The following DHX34 variants were observed in gnomAD, a reference collection of about 807,000 sequenced individuals.
DHX34 encodes the protein probable ATP-dependent RNA helicase DHX34.
In DHX34, 96 loss-of-function variants were observed where a neutral mutation model predicts 111.1. The observed-to-expected ratio is 0.86, with a 90% CI of 0.73 to 1.02. The LOEUF (loss-of-function observed/expected upper bound fraction) is 1.02. Ranked by LOEUF, DHX34 falls within the 50% of genes least tolerant of loss-of-function variation. The pLI, the probability that DHX34 is intolerant of heterozygous loss-of-function variation, is 0.00. For synonymous variants in DHX34, 688 were observed against 670.4 expected, an observed-to-expected ratio of 1.03 and a Z score of -0.41; for missense variants, 1,560 against 1,579.9, an observed-to-expected ratio of 0.99 and a Z score of 0.21.
chr19:47,374,436 CAAAAAA>C (rs35585186), intron 9 of DHX34, among the ~76,000 whole-genome samples: 2 of 103,642 alleles, frequency 1.9e-5, no homozygotes, highest in East Asian at 2.6e-4. Flanking sequence ...AAACTCCACT[CAAAAAA>C]AAAAAAAAAA....
At chr19:47,362,715 G>A in intron 6 of DHX34, 22 bp downstream of exon 6, 1 of 1,580,332 alleles carries the variant, frequency 6.3e-7, no homozygotes, top group Non-Finnish European at 8.6e-7. Context: ...GCAGAAAGGG[G>A]ACTATATCCT....
Position 47,355,309 on chromosome 19 carries a change from G to GC in DHX34, c.980dup (p.Val328CysfsTer43). On this transcript the variant is annotated frameshift_variant, in exon 3 of 17. Transcript: ENST00000328771. LOFTEE classifies it high-confidence loss of function. ...GCTCTTCTCCAGCTATTTCAGCAAT[G>GC]CCCCTGTGGTACAGGTGCCTGGGAG... 1 of 1,614,050 alleles carries GC rather than the reference G, an allele frequency of 6.2e-7. No homozygotes were observed. Among genetic ancestry groups the GC allele is most frequent in the Non-Finnish European group, 8.5e-7 (1 of 1,179,978 alleles).
intron 5 of DHX34, among the ~76,000 whole-genome samples, chr19:47,361,046 A>G (rs775295105): frequency 6.6e-6 from 1 of 152,178 alleles, no homozygotes; most frequent in Non-Finnish European, 1.5e-5. Flanking sequence ...GGAAGTCAGC[A>G]TAGCATAGTG....
rs766184476 is a variant in DHX34, at chr19:47,372,873, G to A, written c.1912G>A (p.Asp638Asn). Reference sequence around the variant, plus strand: ...GGCAGCACGGCGGCCGCTGGAGAGCGACCAGGGTGACCCCTTCACGCTCTT... The same window carrying A: ...GGCAGCACGGCGGCCGCTGGAGAGCAACCAGGGTGACCCCTTCACGCTCTT... ...CAAARRPLESDQGDPFTLFNV... is the reference protein window; with the variant it reads ...CAAARRPLESNQGDPFTLFNV... The change falls in exon 8 of 17, where the codon GAC becomes AAC. Residue 638 changes from aspartate (D) to asparagine (N), a missense_variant. Coordinates refer to ENST00000328771, the MANE Select transcript of DHX34 (RefSeq NM_014681.6). The A allele has an allele frequency of 2.0e-5, 33 of 1,609,914 alleles. No homozygotes were observed. The highest frequency in any genetic ancestry group is 9.9e-5 in the South Asian group (9 of 91,004).
chr19:47,364,263 C>G (rs1969723436), intron 6 of DHX34, among the ~76,000 whole-genome samples: 1 of 152,122 alleles, frequency 6.6e-6, no homozygotes, highest in African/African-American at 2.4e-5. Context: ...TGGCCACGCC[C>G]AACCGTGAAG....
At chr19:47,361,182 G>T (rs958009291) in intron 5 of DHX34, among the ~76,000 whole-genome samples, 2 of 152,084 alleles carry the variant, frequency 1.3e-5, no homozygotes, top group East Asian at 3.9e-4. Context: ...TCCCGGCTGG[G>T]CGCGGTGGCT....
chr19:47,358,181 C>T (rs1297845178), intron 4 of DHX34, 61 bp downstream of exon 4: 7 of 1,559,432 alleles, frequency 4.5e-6, no homozygotes, highest in Non-Finnish European at 6.1e-6. Context: ...GGTGGCTGCG[C>T]ACAGGACTTG....
In DHX34 at chr19:47,358,129, G is replaced by T. The variant is rs1201956927; in HGVS notation, c.1272+9G>T. On this transcript the variant is annotated intron_variant, in intron 4 of 16. Transcript: ENST00000328771. ...TGGCCGACCAGGACAAGGTATCACAGGAAGCCCGAGTGGGGCAGGCGGGGG... is the reference window on the plus strand; with the variant it reads ...TGGCCGACCAGGACAAGGTATCACATGAAGCCCGAGTGGGGCAGGCGGGGG... 1 of 1,599,094 alleles carries T rather than the reference G, an allele frequency of 6.3e-7. No individual in the cohort carries two copies. The highest frequency in any genetic ancestry group is 8.6e-7 in the Non-Finnish European group (1 of 1,168,410).
chr19:47,376,301 CAG>C, intron 11 of DHX34, 140 bp from the exon 12 acceptor site: 2 of 1,504,020 alleles, frequency 1.3e-6, no homozygotes, highest in Non-Finnish European at 1.8e-6. Context: ...TAGGAGCCCA[CAG>C]GGGGCATCTG....
intron 7 of DHX34, among the ~76,000 whole-genome samples, chr19:47,370,064 T>C (rs1198208218): frequency 6.6e-6 from 1 of 152,172 alleles, no homozygotes; most frequent in African/African-American, 2.4e-5. Context: ...GCACCGTCAG[T>C]GTCTCAGGCA....
intron 7 of DHX34, among the ~76,000 whole-genome samples, chr19:47,370,371 C>T (rs562022748): frequency 4.6e-5 from 7 of 152,310 alleles, no homozygotes; most frequent in Non-Finnish European, 7.4e-5. Context: ...AGCTCTGCCC[C>T]GCACCCCTCT....
Position 47,357,977 on chromosome 19 carries a change from G to A in DHX34, c.1129G>A (p.Glu377Lys). Residue 377 changes from glutamate (E) to lysine (K), a missense_variant, in exon 4 of 17, where the codon GAG becomes AAG. Transcript: ENST00000328771. ...CATTGACCACAAGTACCCGCCTGAG[G>A]AGCGGGGTGACCTCCTCGTCTTCCT... ...ESIDHKYPPEERGDLLVFLSG... is the reference protein window; with the variant it reads ...ESIDHKYPPEKRGDLLVFLSG... 6.2e-7 allele frequency: 1 copy of A among 1,613,994 alleles called. No homozygotes were observed.
At chr19:47,366,919 C>T in intron 6 of DHX34, 62 bp from the exon 7 acceptor site, 1 of 1,447,526 alleles carries the variant, frequency 6.9e-7, no homozygotes, top group Non-Finnish European at 9.1e-7. Context: ...TCTCTGAGCC[C>T]CGCTGTGCTG....
chr19:47,355,025 TTCTC>T lies in DHX34; in HGVS notation c.706-13_706-10del, dbSNP rs745877752. The T allele has an allele frequency of 6.2e-7, 1 of 1,612,194 alleles. No individual in the cohort carries two copies. Among genetic ancestry groups the T allele is most frequent in the South Asian group, 1.1e-5 (1 of 91,038 alleles). ...TCAGGGTCCTCTCCTGATCCTTTCT[TTCTC>T]CCACCCCAGGTCGGCTACCAGATCC... On this transcript the variant is annotated splice_polypyrimidine_tract_variant and intron_variant, in intron 2 of 16. Coordinates refer to ENST00000328771, the MANE Select transcript of DHX34 (RefSeq NM_014681.6).
rs1460697534 is a variant in DHX34, at chr19:47,377,166, A to G, written c.2666A>G (p.Lys889Arg). 4 of 1,613,832 alleles carry G rather than the reference A, an allele frequency of 2.5e-6. No homozygotes were observed. In the African/African-American group the frequency reaches 5.3e-5, roughly 22 times the overall value. ...LSFVSLLETN[K>R]PYLVNCVRIP... is the part of the protein sequence containing the mutation. ...TTCGTGTCCCTGCTGGAGACCAACA[A>G]GCCGTACCTGGTGAACTGCGTCCGC... Residue 889 changes from lysine (K) to arginine (R), a missense_variant, in exon 13 of 17, where the codon AAG (lysine) becomes AGG (arginine). Physicochemically the swap from Lys to Arg is conservative, Grantham distance 26. Coordinates refer to ENST00000328771, the MANE Select transcript of DHX34 (RefSeq NM_014681.6).
chr19:47,379,536 G>A (rs1970281511), intron 13 of DHX34, 174 bp from the exon 14 acceptor site: 1 of 975,584 alleles, frequency 1.0e-6, no homozygotes, highest in Admixed American at 6.2e-5. Flanking sequence ...CCTTGTTCAT[G>A]CCGTATCCCC....
intron 7 of DHX34, among the ~76,000 whole-genome samples, chr19:47,369,553 CAG>C (rs1555733049): frequency 1.3e-5 from 2 of 152,142 alleles, no homozygotes; most frequent in African/African-American, 4.8e-5. Flanking sequence ...TCACATGTAA[CAG>C]GGGAGATGGA....
In DHX34 at chr19:47,372,853, C is replaced by A; in HGVS notation, c.1892C>A (p.Ala631Glu). ...SAQSSPECAA[A>E]RRPLESDQGD... ...CAGAGCAGCCCAGAGTGCGCGGCAG[C>A]ACGGCGGCCGCTGGAGAGCGACCAG... The change falls in exon 8 of 17, where the codon GCA (alanine) becomes GAA (glutamate). Residue 631 changes from alanine to glutamate, a missense_variant. By Grantham distance (107) the Ala-to-Glu change is moderately radical. Transcript: ENST00000328771. 1 of 1,611,634 alleles carries A rather than the reference C, an allele frequency of 6.2e-7. No individual in the cohort carries two copies. Among genetic ancestry groups the A allele is most frequent in the Non-Finnish European group, 8.5e-7 (1 of 1,179,350 alleles).
chr19:47,376,973 G>T, intron 12 of DHX34, 127 bp from the exon 13 acceptor site: 1 of 1,551,634 alleles, frequency 6.4e-7, no homozygotes, highest in Non-Finnish European at 8.7e-7. Context: ...TCTGAGCCAG[G>T]CCACCAAAGC....
Sources: gnomAD v4.1 joint callset for allele counts (sites outside exome capture counted in the v4.1 genomes callset) on GRCh38, gnomAD v4.1.1 for gene constraint, MANE v1.5 for transcripts, NCBI Gene and HGNC (gene_info 2026-07-23, HGNC 2026-07-21) for gene names.